Variants in NUSAP1 observed in about 807,000 individuals in gnomAD.
NUSAP1 encodes nucleolar and spindle associated protein 1, also known as nucleolar and spindle-associated protein 1.
A neutral mutation model predicts 52.8 loss-of-function variants in NUSAP1; 32 were observed. The ratio of observed to expected loss-of-function variants is 0.61; its 90% CI spans 0.46 to 0.81. NUSAP1 has a LOEUF of 0.81. Among genes scored for constraint, NUSAP1 ranks in the 40% least tolerant of loss-of-function variants. NUSAP1 has a pLI of 0.00. For missense variants in NUSAP1, 499 were observed against 522.3 expected (o/e 0.96, Z 0.43); for synonymous variants, 195 against 183.1 (o/e 1.06, Z -0.52).
chr15:41,344,601 G>A (rs959890153), intron 2 of NUSAP1, among the ~76,000 whole-genome samples: 2 of 151,164 alleles, frequency 1.3e-5, no homozygotes, highest in African/African-American at 4.9e-5. Flanking sequence ...TCATGCCACT[G>A]CACTCCAGCC....
intron 2 of NUSAP1, chr15:41,345,618 C>T: frequency 6.6e-6 from 2 of 302,030 alleles, no homozygotes; most frequent in South Asian, 2.5e-5. Flanking sequence ...CGCCACCACA[C>T]CCGGATAATT....
chr15:41,358,458 C>G (rs182026413), intron 6 of NUSAP1, among the ~76,000 whole-genome samples, 200 bp downstream of exon 6: 12 of 152,256 alleles, frequency 7.9e-5, no homozygotes, highest in African/African-American at 2.6e-4. Context: ...AATCCATGGC[C>G]AAGCGCAGTG....
intron 6 of NUSAP1, among the ~76,000 whole-genome samples, chr15:41,363,388 T>A (rs193152191): frequency 5.9e-4 from 89 of 150,476 alleles, no homozygotes; most frequent in African/African-American, 1.7e-3. Context: ...ATATATATAT[T>A]TTTTTAGACA....
rs188690838 is a variant in NUSAP1, at chr15:41,345,595, G to A, written c.162+3141G>A. 342 of 325,022 alleles carry A rather than the reference G, an allele frequency of 1.1e-3. 1 individual carries two copies. The highest frequency in any genetic ancestry group is 1.7e-3 in the Non-Finnish European group (283 of 170,352). The allele number at this position is 325,022 out of a possible 1,614,324, so 20.1% of individuals were successfully genotyped here. On this transcript the variant is annotated intron_variant, in intron 2 of 10. Coordinates refer to ENST00000559596, the MANE Select transcript of NUSAP1 (RefSeq NM_016359.5). ...CTGCCTCAGCCTCCTGAGTAGCTGGGATTACAGGCATGCGCCACCACACCC... is the reference window on the plus strand; with the variant it reads ...CTGCCTCAGCCTCCTGAGTAGCTGGAATTACAGGCATGCGCCACCACACCC...
At chr15:41,361,121 TG>T (rs1219874258) in intron 6 of NUSAP1, among the ~76,000 whole-genome samples, 23 of 150,656 alleles carry the variant, frequency 1.5e-4, no homozygotes, top group African/African-American at 5.6e-4. Context: ...GGCCAGGGCG[TG>T]GTGGCTCACA....
At chr15:41,341,085 C>T (rs79367059) in intron 1 of NUSAP1, among the ~76,000 whole-genome samples, 4 of 152,138 alleles carry the variant, frequency 2.6e-5, no homozygotes, top group African/African-American at 4.8e-5. Flanking sequence ...GTTTTTTAAA[C>T]GGAGTCTTGC....
intron 2 of NUSAP1, among the ~76,000 whole-genome samples, chr15:41,344,950 G>GA (rs370713573): frequency 1.9e-4 from 28 of 149,062 alleles, no homozygotes; most frequent in African/African-American, 6.1e-4. Flanking sequence ...CCGAAAAAAA[G>GA]AAAAAAAAAC....
intron 4 of NUSAP1, among the ~76,000 whole-genome samples, chr15:41,353,514 C>T (rs1277228961): frequency 1.3e-5 from 2 of 152,168 alleles, no homozygotes; most frequent in African/African-American, 4.8e-5. Flanking sequence ...CCCCTGCGAC[C>T]ATTCCAACAC....
intron 8 of NUSAP1, among the ~76,000 whole-genome samples, chr15:41,371,958 C>A (rs2049716553): frequency 6.6e-6 from 1 of 151,918 alleles, no homozygotes; most frequent in South Asian, 2.1e-4. Flanking sequence ...TTAATAGAGA[C>A]AGTTTCACCA....
intron 1 of NUSAP1, among the ~76,000 whole-genome samples, chr15:41,335,690 G>GTATGTATGTTTAGTATAAATATAC (rs2048097524): frequency 7.2e-6 from 1 of 138,792 alleles, no homozygotes; most frequent in Non-Finnish European, 1.5e-5. Context: ...ACTAAATATA[G>GTATGTATGTTTAGTATAAATATAC]TATGTATGTT....
At chr15:41,370,749 CAA>C (rs60034914) in intron 7 of NUSAP1, among the ~76,000 whole-genome samples, 46 of 70,748 alleles carry the variant, frequency 6.5e-4, no homozygotes, top group African/African-American at 1.7e-3. Flanking sequence ...AACTCCATCT[CAA>C]AAAAAAAAAA....
intron 2 of NUSAP1, among the ~76,000 whole-genome samples, chr15:41,342,890 A>G (rs2048417345): frequency 6.6e-6 from 1 of 152,184 alleles, no homozygotes; most frequent in Non-Finnish European, 1.5e-5. Context: ...CATTATTGGT[A>G]ATAGTGCCAA....
At chr15:41,344,414 G>T (rs896948247) in intron 2 of NUSAP1, among the ~76,000 whole-genome samples, 3 of 151,830 alleles carry the variant, frequency 2.0e-5, no homozygotes, top group African/African-American at 7.3e-5. Flanking sequence ...TGAGGCGGGT[G>T]GATTATGAGG....
At chr15:41,365,320 C>T in intron 6 of NUSAP1, 82 bp from the exon 7 acceptor site, 3 of 1,205,988 alleles carry the variant, frequency 2.5e-6, no homozygotes, top group South Asian at 3.1e-5. Flanking sequence ...CAACGCCCGG[C>T]TAATTTTTGT....
intron 4 of NUSAP1, among the ~76,000 whole-genome samples, chr15:41,354,522 A>T (rs2048890357): frequency 6.6e-6 from 1 of 151,752 alleles, no homozygotes; most frequent in Admixed American, 6.6e-5. Flanking sequence ...AAATGACAAC[A>T]ACCAAAATAA....
Position 41,380,240 on chromosome 15 carries a change from TA to T in NUSAP1, c.*57del. 1 of 1,339,226 alleles carries T rather than the reference TA, an allele frequency of 7.5e-7. No individual in the cohort carries two copies. Among genetic ancestry groups the T allele is most frequent in the Non-Finnish European group, 1.0e-6 (1 of 983,366 alleles). 83.0% of individuals were successfully genotyped at this position (1,339,226 alleles called of 1,614,324 possible). A position where few individuals can be genotyped will look rare whatever the true frequency, so the allele number is the denominator to read the frequency against. ...TGTATTCTCAACTTTTTTCCTTTTG[TA>T]AATTTTTTTTTTTTGCTGTCATCCC... On this transcript the variant is annotated 3_prime_UTR_variant, in exon 11 of 11. Transcript: ENST00000559596.
At chr15:41,378,449 T>C (rs2050063135) in intron 10 of NUSAP1, among the ~76,000 whole-genome samples, 1 of 152,162 alleles carries the variant, frequency 6.6e-6, no homozygotes, top group Non-Finnish European at 1.5e-5. Context: ...ACCTGTCAGT[T>C]GACTCATGGC....
At chr15:41,348,569 C>G (rs1490952417) in intron 2 of NUSAP1, among the ~76,000 whole-genome samples, 2 of 152,010 alleles carry the variant, frequency 1.3e-5, no homozygotes, top group African/African-American at 4.8e-5. Context: ...CTTTACTACC[C>G]TAATTTATTA....
chr15:41,346,719 C>T (rs1032515253), intron 2 of NUSAP1, among the ~76,000 whole-genome samples: 6 of 151,326 alleles, frequency 4.0e-5, no homozygotes, highest in Non-Finnish European at 5.9e-5. Context: ...CCCAGCTACT[C>T]GGGAGGCTGA....
Sources: gnomAD v4.1 joint callset for allele counts (sites outside exome capture counted in the v4.1 genomes callset) on GRCh38, gnomAD v4.1.1 for gene constraint, MANE v1.5 for transcripts, NCBI Gene and HGNC (gene_info 2026-07-23, HGNC 2026-07-21) for gene names.